DHX40: variants seen among roughly 807,000 people sequenced by gnomAD.
The protein encoded by DHX40 is DEAH-box helicase 40, also known as probable ATP-dependent RNA helicase DHX40.
A neutral mutation model predicts 89.6 loss-of-function variants in DHX40; 28 were observed. The ratio of observed to expected loss-of-function variants is 0.31; its 90% CI spans 0.23 to 0.43. The LOEUF (loss-of-function observed/expected upper bound fraction) is 0.43, where lower values mean the gene tolerates loss of function less well. Ranked by LOEUF, DHX40 falls within the 20% of genes least tolerant of loss-of-function variation. The pLI is 1.00. For missense variants in DHX40, 457 were observed against 844.0 expected (o/e 0.54, Z 5.68); for synonymous variants, 226 against 283.6 (o/e 0.80, Z 2.04).
chr17:59,598,327 A>G (rs1286400554), intron 12 of DHX40, among the ~76,000 whole-genome samples: 1 of 152,162 alleles, frequency 6.6e-6, no homozygotes, highest in Non-Finnish European at 1.5e-5. Context: ...GACACACACT[A>G]AATAATGAAC....
Position 59,602,572 on chromosome 17 carries a change from A to G in DHX40, c.1857A>G (p.Leu619=). The part of the protein sequence containing the change: ...ETFEGPKHEV[L]RRCLCAGYFK... ...TTGAAGGCCCTAAACATGAAGTACT[A>G]CGAAGATGTCTTTGTGCGGGCTATT... The change falls in exon 15 of 18, where the codon CTA becomes CTG. Residue 619 remains leucine (L), a synonymous_variant. Coordinates refer to ENST00000251241, the MANE Select transcript of DHX40 (RefSeq NM_024612.5). The G allele has an allele frequency of 1.2e-6, 2 of 1,613,960 alleles. No individual in the cohort carries two copies. Among genetic ancestry groups the G allele is most frequent in the Non-Finnish European group, 1.7e-6 (2 of 1,179,892 alleles).
intron 12 of DHX40, among the ~76,000 whole-genome samples, chr17:59,594,531 G>A (rs1165046054): frequency 6.6e-5 from 10 of 151,624 alleles, no homozygotes; most frequent in Admixed American, 2.6e-4. Flanking sequence ...AGCTGATACT[G>A]TGGCTCACTT....
chr17:59,572,781 A>G (rs1598141419), intron 3 of DHX40, among the ~76,000 whole-genome samples: 1 of 152,236 alleles, frequency 6.6e-6, no homozygotes. Context: ...GGGCTGAGTC[A>G]GAAAGATAAA....
chr17:59,595,976 G>C (rs1344328493), intron 12 of DHX40, among the ~76,000 whole-genome samples: 2 of 152,112 alleles, frequency 1.3e-5, no homozygotes, highest in Non-Finnish European at 2.9e-5. Context: ...TGCTTATACA[G>C]TCTTTAATTT....
rs754512474 is a variant in DHX40, at chr17:59,607,198, G to A, written c.*26G>A. 1 of 1,614,196 alleles carries A rather than the reference G, an allele frequency of 6.2e-7. No homozygotes were observed. Among genetic ancestry groups the A allele is most frequent in the South Asian group, 1.1e-5 (1 of 91,084 alleles). On this transcript the variant is annotated 3_prime_UTR_variant, in exon 18 of 18. Coordinates refer to ENST00000251241, the MANE Select transcript of DHX40 (RefSeq NM_024612.5). Reference sequence around the variant, plus strand: ...GGTGGTGAACCCTCCAATTCAGGAAGTGGGAAAAGGAGCCAGGAAATGTGC... The same window carrying A: ...GGTGGTGAACCCTCCAATTCAGGAAATGGGAAAAGGAGCCAGGAAATGTGC...
At position 59,606,994 on chromosome 17, in the gene DHX40, A is replaced by G. The variant is rs142055471; in HGVS notation, c.2201-39A>G. The G allele has an allele frequency of 6.1e-5, 95 of 1,569,408 alleles. No homozygotes were observed. In the African/African-American group the frequency reaches 1.2e-3, roughly 20 times the overall value. On this transcript the variant is annotated intron_variant, in intron 17 of 17. Transcript: ENST00000251241. ...CTTAACATTTCTAGTACTGAATCTC[A>G]AAGCTAAGTTTTATTGGATTAATTT...
At chr17:59,602,956 G>C (rs1279003470) in intron 15 of DHX40, among the ~76,000 whole-genome samples, 9 of 152,176 alleles carry the variant, frequency 5.9e-5, no homozygotes, top group Non-Finnish European at 1.3e-4. Context: ...CCTGAGGAAG[G>C]GTAGCTTGGC....
chr17:59,605,532 A>G lies in DHX40; in HGVS notation c.2058A>G (p.Pro686=). ...TTKVYARIVC[P]IRYEWVRDLL... is the part of the protein sequence containing the mutation. Reference sequence around the variant, plus strand: ...AAGTCTACGCAAGAATTGTATGCCCAATCCGTTATGAATGGGTAAGAGACT... The same window carrying G: ...AAGTCTACGCAAGAATTGTATGCCCGATCCGTTATGAATGGGTAAGAGACT... The change falls in exon 17 of 18, where the codon CCA becomes CCG. Residue 686 remains proline (P), a synonymous_variant. Transcript: ENST00000251241. 6.2e-7 allele frequency: 1 copy of G among 1,614,230 alleles called. No homozygotes were observed.
intron 12 of DHX40, among the ~76,000 whole-genome samples, chr17:59,594,519 G>T (rs113729346): frequency 5.9e-4 from 89 of 151,586 alleles, no homozygotes; most frequent in Non-Finnish European, 1.2e-3. Context: ...TGGGGAGTTA[G>T]GAGCTGATAC....
At chr17:59,606,421 G>T (rs970303451) in intron 17 of DHX40, among the ~76,000 whole-genome samples, 3 of 152,084 alleles carry the variant, frequency 2.0e-5, no homozygotes. Context: ...GAGTTTTGCC[G>T]AATAAATCAT....
At chr17:59,583,739 G>A (rs1237700623) in intron 10 of DHX40, among the ~76,000 whole-genome samples, 2 of 94,962 alleles carry the variant, frequency 2.1e-5, no homozygotes, top group African/African-American at 6.9e-5. Context: ...AATTAGCTGG[G>A]TGTGGTGGCA....
In DHX40 at chr17:59,607,020, G is replaced by T. The variant is rs1567906609; in HGVS notation, c.2201-13G>T. On this transcript the variant is annotated splice_polypyrimidine_tract_variant and intron_variant, in intron 17 of 17. Transcript: ENST00000251241. ...AAGCTAAGTTTTATTGGATTAATTT[G>T]TAATGTTTTCAGATGGAATATCGAA... The T allele has an allele frequency of 1.2e-6, 2 of 1,607,320 alleles. No homozygotes were observed. The highest frequency in any genetic ancestry group is 2.2e-5 in the East Asian group (1 of 44,818).
chr17:59,576,570 T>G (rs2048884594), intron 7 of DHX40, among the ~76,000 whole-genome samples: 1 of 152,150 alleles, frequency 6.6e-6, no homozygotes, highest in Non-Finnish European at 1.5e-5. Flanking sequence ...GGAAATCTTT[T>G]TTATGATGAT....
In DHX40 at chr17:59,572,274, T is replaced by C. The variant is rs142466755; in HGVS notation, c.427-842T>C. Among the ~76,000 whole-genome samples the C allele has an allele frequency of 4.7e-3, 716 of 152,342 alleles. 9 individuals carry two copies. Among genetic ancestry groups the C allele is most frequent in the African/African-American group, 0.017 (689 of 41,576 alleles). On this transcript the variant is annotated intron_variant, in intron 3 of 17. Transcript: ENST00000251241. ...CCAAAATACTATCTTTTTGCCTTCCTAGTGGTCACTGTTTTTTCTTTCTTC... is the reference window on the plus strand; with the variant it reads ...CCAAAATACTATCTTTTTGCCTTCCCAGTGGTCACTGTTTTTTCTTTCTTC...
Position 59,586,385 on chromosome 17 carries a change from G to A in DHX40, c.1424+152G>A, listed in dbSNP as rs1280046536. ...CACAATTCTGATTGAAAAACCAGCC[G>A]GGCGCTGTGGCTCATACCTGTAATC... On this transcript the variant is annotated intron_variant, in intron 11 of 17. Transcript: ENST00000251241. 8 of 794,948 alleles carry A rather than the reference G, an allele frequency of 1.0e-5. 1 individual carries two copies. The highest frequency in any genetic ancestry group is 3.6e-5 in the South Asian group (2 of 55,272). The allele number at this position is 794,948 out of a possible 1,614,324, so 49.2% of individuals were successfully genotyped here. A position where few individuals can be genotyped will look rare whatever the true frequency, so the allele number is the denominator to read the frequency against.
At chr17:59,597,817 C>T (rs913573316) in intron 12 of DHX40, among the ~76,000 whole-genome samples, 1 of 151,042 alleles carries the variant, frequency 6.6e-6, no homozygotes, top group African/African-American at 2.4e-5. Context: ...CGCCTGTAGT[C>T]CCAGCTACTC....
At position 59,565,621 on chromosome 17, in the gene DHX40, C is replaced by A; in HGVS notation, c.-51C>A. 1 of 1,525,272 alleles carries A rather than the reference C, an allele frequency of 6.6e-7. No individual in the cohort carries two copies. The highest frequency in any genetic ancestry group is 8.9e-7 in the Non-Finnish European group (1 of 1,128,026). 94.5% of individuals were successfully genotyped at this position (1,525,272 alleles called of 1,614,324 possible). A position where few individuals can be genotyped will look rare whatever the true frequency, so the allele number is the denominator to read the frequency against. Reference sequence around the variant, plus strand: ...CAGGGCGCGTCCTCGTCTTTCCCCTCCCATCTCCTCAGATCGGTGGACGTG... The same window carrying A: ...CAGGGCGCGTCCTCGTCTTTCCCCTACCATCTCCTCAGATCGGTGGACGTG... On this transcript the variant is annotated 5_prime_UTR_variant, in exon 1 of 18. Transcript: ENST00000251241.
chr17:59,573,336 T>C (rs2048836753), intron 4 of DHX40, 101 bp downstream of exon 4: 1 of 1,016,370 alleles, frequency 9.8e-7, no homozygotes, highest in East Asian at 2.7e-5. Flanking sequence ...TTTAATTTAA[T>C]TTAATTTTTT....
rs1233838778 is a variant in DHX40 at position 59,569,709 on chromosome 17, A to C, written c.281-809A>C. Among the ~76,000 whole-genome samples, 3 of 140,704 alleles carry C rather than the reference A, an allele frequency of 2.1e-5. No homozygotes were observed. The East Asian group carries it at 5.9e-4, about 28-fold the overall frequency. 92.3% of individuals were successfully genotyped at this position (140,704 alleles called of 152,430 possible). A position where few individuals can be genotyped will look rare whatever the true frequency, so the allele number is the denominator to read the frequency against. Reference sequence around the variant, plus strand: ...TCAAAAAAGAAAAAAATATATATATATCTATATATATATATAGATATATAT... The same window carrying C: ...TCAAAAAAGAAAAAAATATATATATCTCTATATATATATATAGATATATAT... On this transcript the variant is annotated intron_variant, in intron 2 of 17. Transcript: ENST00000251241.
Sources: allele counts gnomAD v4.1 joint callset (sites outside exome capture counted in the v4.1 genomes callset), GRCh38; gene constraint gnomAD v4.1.1; transcripts MANE v1.5; gene names NCBI Gene and HGNC (gene_info 2026-07-23, HGNC 2026-07-21).